SUCLG2: variants seen among roughly 807,000 people sequenced by gnomAD.
The protein encoded by SUCLG2 is succinate-CoA ligase GDP-forming subunit beta.
A neutral mutation model predicts 47.9 loss-of-function variants in SUCLG2; 42 were observed. The observed-to-expected ratio is 0.88, with a 90% confidence interval of 0.69 to 1.14. The LOEUF is 1.14. Ranked by LOEUF, SUCLG2 falls within the 50% of genes most tolerant of loss-of-function variation. The probability of loss-of-function intolerance (pLI) is 0.00; values close to 1 mark genes in which losing one functional copy is unlikely to be tolerated. For missense variants in SUCLG2, 571 were observed against 525.9 expected (o/e 1.09, Z -0.84); for synonymous variants, 195 against 197.3 (o/e 0.99, Z 0.10).
At chr3:67,408,264 C>T (rs561135741) in intron 9 of SUCLG2, among the ~76,000 whole-genome samples, 2 of 152,136 alleles carry the variant, frequency 1.3e-5, no homozygotes, top group Non-Finnish European at 2.9e-5. Flanking sequence ...TCCAAAATAG[C>T]TAAAACTGAC....
At chr3:67,515,643 A>G (rs1010681005) in intron 6 of SUCLG2, among the ~76,000 whole-genome samples, 8 of 152,098 alleles carry the variant, frequency 5.3e-5, no homozygotes, top group African/African-American at 1.9e-4. Context: ...TTTCAAAGTC[A>G]CGTTGAACCT....
rs550175498 is a variant in SUCLG2 at position 67,393,766 on chromosome 3, G to A, written c.1183+6965C>T. Among the ~76,000 whole-genome samples, 3 of 152,270 alleles carry A rather than the reference G, an allele frequency of 2.0e-5. No individual in the cohort carries two copies. The South Asian group carries it at 6.2e-4, about 32-fold the overall frequency. On this transcript the variant is annotated intron_variant, in intron 10 of 10. Transcript: ENST00000307227. Reference sequence around the variant, plus strand: ...GACCCCTGAGCAGCCTAACTGCGAGGCACCCCAGCAGGGGCAGACTGACAC... The same window carrying A: ...GACCCCTGAGCAGCCTAACTGCGAGACACCCCAGCAGGGGCAGACTGACAC...
intron 7 of SUCLG2, among the ~76,000 whole-genome samples, chr3:67,500,080 A>G (rs996191617): frequency 6.6e-6 from 1 of 152,176 alleles, no homozygotes; most frequent in Non-Finnish European, 1.5e-5. Context: ...ATCTTTGAAC[A>G]ATAATTTACA....
chr3:67,451,656 T>C (rs1461583279), intron 9 of SUCLG2, among the ~76,000 whole-genome samples: 1 of 152,130 alleles, frequency 6.6e-6, no homozygotes, highest in Non-Finnish European at 1.5e-5. Flanking sequence ...CCCTTTCTTA[T>C]ACTTTTTACT....
Position 67,376,423 on chromosome 3 carries a change from G to A in SUCLG2, c.1184-564C>T, listed in dbSNP as rs376104206. The A allele has an allele frequency of 3.0e-6, 3 of 985,252 alleles. No individual in the cohort carries two copies. The African/African-American group carries it at 5.2e-5, about 17-fold the overall frequency. The allele number at this position is 985,252 out of a possible 1,614,324, so 61.0% of individuals were successfully genotyped here. A position where few individuals can be genotyped will look rare whatever the true frequency, so the allele number is the denominator to read the frequency against. On this transcript the variant is annotated intron_variant, in intron 10 of 10. Coordinates refer to ENST00000307227, the MANE Select transcript of SUCLG2 (RefSeq NM_003848.4). ...TCCTGGTGGATCTGGAGTATCTTCT[G>A]GCCAAGTCACTTCATTCAAAGGTGT...
At chr3:67,399,549 G>T (rs937394858) in intron 10 of SUCLG2, among the ~76,000 whole-genome samples, 2 of 152,162 alleles carry the variant, frequency 1.3e-5, no homozygotes, top group Non-Finnish European at 2.9e-5. Flanking sequence ...ATGTGCACCT[G>T]CCCTGTGAAC....
chr3:67,478,794 C>T (rs531258270), intron 9 of SUCLG2, among the ~76,000 whole-genome samples: 44 of 152,310 alleles, frequency 2.9e-4, no homozygotes, highest in African/African-American at 1.0e-3. Context: ...AGAGAATGAG[C>T]TCTACATACC....
intron 9 of SUCLG2, among the ~76,000 whole-genome samples, chr3:67,493,471 A>AGTG (rs1705254202): frequency 6.6e-6 from 1 of 152,170 alleles, no homozygotes; most frequent in African/African-American, 2.4e-5. Flanking sequence ...TTTGGAAGAG[A>AGTG]GTGGTTTTTT....
chr3:67,538,210 G>GT (rs1706599491), intron 2 of SUCLG2, among the ~76,000 whole-genome samples: 1 of 152,120 alleles, frequency 6.6e-6, no homozygotes, highest in African/African-American at 2.4e-5. Flanking sequence ...TAGGTCTTAT[G>GT]TTTAAGTCTT....
rs141978606 is a variant in SUCLG2 at position 67,480,434 on chromosome 3, G to C, written c.1062+15364C>G. Among the ~76,000 whole-genome samples the C allele has an allele frequency of 2.8e-3, 431 of 152,348 alleles. 4 individuals carry two copies. Among genetic ancestry groups the C allele is most frequent in the African/African-American group, 0.01 (416 of 41,586 alleles). On this transcript the variant is annotated intron_variant, in intron 9 of 10. Transcript: ENST00000307227. ...AGCCCAAGAATCTGCATTTCTCACA[G>C]ATTACCAGATGATGCTGATGCTGCT...
intron 9 of SUCLG2, among the ~76,000 whole-genome samples, chr3:67,440,932 T>A (rs1017564682): frequency 1.3e-5 from 2 of 152,220 alleles, no homozygotes; most frequent in African/African-American, 4.8e-5. Flanking sequence ...TGCACACTTA[T>A]GTTTACTGCA....
At chr3:67,377,129 T>C (rs943314114) in intron 10 of SUCLG2, among the ~76,000 whole-genome samples, 3 of 152,206 alleles carry the variant, frequency 2.0e-5, no homozygotes, top group African/African-American at 4.8e-5. Flanking sequence ...AGTAGTCCTA[T>C]TGTTCCTATT....
At chr3:67,539,677 T>A (rs1382934264) in intron 2 of SUCLG2, among the ~76,000 whole-genome samples, 1 of 152,182 alleles carries the variant, frequency 6.6e-6, no homozygotes, top group East Asian at 1.9e-4. Context: ...CAGCTGTGAA[T>A]CCATCTTGTC....
chr3:67,366,408 GTCCAGT>G (rs1701876118), intron 10 of SUCLG2, among the ~76,000 whole-genome samples: 1 of 152,130 alleles, frequency 6.6e-6, no homozygotes, highest in African/African-American at 2.4e-5. Flanking sequence ...TCCAAGTCCT[GTCCAGT>G]TCAAGTGAGT....
intron 1 of SUCLG2, among the ~76,000 whole-genome samples, chr3:67,637,754 C>T (rs1025825542): frequency 3.9e-5 from 6 of 152,110 alleles, no homozygotes; most frequent in South Asian, 2.1e-4. Context: ...GATGACTTGC[C>T]CAAGGTAAAT....
chr3:67,620,757 G>T (rs556147887), intron 1 of SUCLG2, among the ~76,000 whole-genome samples: 2 of 152,246 alleles, frequency 1.3e-5, no homozygotes, highest in Middle Eastern at 3.4e-3. Context: ...AGCACAGCAG[G>T]CTGAGAGGCC....
chr3:67,574,057 T>C (rs1427405315), intron 2 of SUCLG2, among the ~76,000 whole-genome samples: 1 of 152,188 alleles, frequency 6.6e-6, no homozygotes, highest in Non-Finnish European at 1.5e-5. Flanking sequence ...GACACATACA[T>C]TCCTTGGCTA....
intron 2 of SUCLG2, among the ~76,000 whole-genome samples, chr3:67,565,869 AT>A (rs1707441383): frequency 1.3e-5 from 2 of 152,246 alleles, no homozygotes; most frequent in Admixed American, 6.5e-5. Context: ...CTTAAAGTAC[AT>A]TTTGAGCTTC....
At chr3:67,593,465 C>T (rs1708222375) in intron 2 of SUCLG2, among the ~76,000 whole-genome samples, 1 of 152,216 alleles carries the variant, frequency 6.6e-6, no homozygotes. Flanking sequence ...CAATGCCTTT[C>T]TTCAACTACC....
Sources: allele counts gnomAD v4.1 joint callset (sites outside exome capture counted in the v4.1 genomes callset), GRCh38; gene constraint gnomAD v4.1.1; transcripts MANE v1.5; gene names NCBI Gene and HGNC (gene_info 2026-07-23, HGNC 2026-07-21).